RRAS2: variants seen among roughly 807,000 people sequenced by gnomAD.
RRAS2 encodes ras-related protein R-Ras2.
Under a neutral mutation model 27.6 loss-of-function variants are expected in RRAS2, and 7 were observed. That is an observed-to-expected ratio of 0.25 (90% CI 0.14 to 0.48). RRAS2 has a LOEUF of 0.48. RRAS2 is among the 20% of genes least tolerant of loss of function. The pLI is 0.99. For missense variants in RRAS2, 178 were observed against 256.2 expected (o/e 0.69, Z 2.08); for synonymous variants, 86 against 90.9 (o/e 0.95, Z 0.31).
At chr11:14,342,789 C>A (rs963036922) in intron 1 of RRAS2, among the ~76,000 whole-genome samples, 1 of 152,042 alleles carries the variant, frequency 6.6e-6, no homozygotes, top group Admixed American at 6.6e-5. Context: ...GTGCCTTTTT[C>A]AATGTTAATC....
chr11:14,301,470 T>C (rs1357452802), intron 1 of RRAS2, among the ~76,000 whole-genome samples: 1 of 152,160 alleles, frequency 6.6e-6, no homozygotes, highest in Non-Finnish European at 1.5e-5. Flanking sequence ...ACCACATATA[T>C]CTTATCTACT....
intron 1 of RRAS2, among the ~76,000 whole-genome samples, chr11:14,320,363 T>A (rs1554950124): frequency 6.6e-6 from 1 of 152,248 alleles, no homozygotes; most frequent in Non-Finnish European, 1.5e-5. Flanking sequence ...AATGACTGCA[T>A]GCTTGTCTAG....
chr11:14,290,993 T>C (rs1849797239), intron 4 of RRAS2, among the ~76,000 whole-genome samples: 1 of 152,164 alleles, frequency 6.6e-6, no homozygotes, highest in Non-Finnish European at 1.5e-5. Context: ...GTAATGTCCA[T>C]GAGTTGGTGA....
Position 14,339,297 on chromosome 11 carries a change from G to A in RRAS2, c.108+19466C>T, listed in dbSNP as rs1463110716. On this transcript the variant is annotated intron_variant, in intron 1 of 5. Coordinates refer to ENST00000256196, the MANE Select transcript of RRAS2 (RefSeq NM_012250.6). ...TCTACCAAAAAAAAAAAAAAAAGGG[G>A]GGGGGGGGAAGAAAAAATCTATAAT... Among the ~76,000 whole-genome samples the A allele has an allele frequency of 5.3e-5, 7 of 131,034 alleles. No homozygotes were observed. In the East Asian group the frequency reaches 1.0e-3, roughly 19 times the overall value. The allele number at this position is 131,034 out of a possible 152,430, so 86.0% of individuals were successfully genotyped here. A position where few individuals can be genotyped will look rare whatever the true frequency, so the allele number is the denominator to read the frequency against.
chr11:14,302,888 A>G (rs532151029), intron 1 of RRAS2, among the ~76,000 whole-genome samples: 1 of 152,328 alleles, frequency 6.6e-6, no homozygotes, highest in South Asian at 2.1e-4. Context: ...CAGCTGTGGG[A>G]AACTAGAGTA....
At chr11:14,352,972 T>A (rs1848995765) in intron 1 of RRAS2, among the ~76,000 whole-genome samples, 1 of 152,018 alleles carries the variant, frequency 6.6e-6, no homozygotes, top group Non-Finnish European at 1.5e-5. Flanking sequence ...CTAATTTTTG[T>A]ATTTTTAGTA....
rs146280184 is a variant in RRAS2, at chr11:14,350,709, T to C, written c.108+8054A>G. Among the ~76,000 whole-genome samples the C allele has an allele frequency of 4.2e-3, 634 of 151,432 alleles. 6 individuals are homozygous for C. Among genetic ancestry groups the C allele is most frequent in the African/African-American group, 0.015 (606 of 41,290 alleles). ...ATAGCTGACGAGGTTAAAAAAAAAA[T>C]TGCAAAAAAAAAATCTCATGTTTTA... On this transcript the variant is annotated intron_variant, in intron 1 of 5. Transcript: ENST00000256196.
intron 1 of RRAS2, among the ~76,000 whole-genome samples, chr11:14,341,431 T>C (rs1554953247): frequency 6.6e-6 from 1 of 152,192 alleles, no homozygotes; most frequent in African/African-American, 2.4e-5. Flanking sequence ...AAAAATTAGA[T>C]ACTGTGCTTT....
chr11:14,335,893 G>A (rs566233031), intron 1 of RRAS2, among the ~76,000 whole-genome samples: 2 of 152,264 alleles, frequency 1.3e-5, no homozygotes, highest in Admixed American at 6.5e-5. Flanking sequence ...AGAACAGGAC[G>A]TCCCAGCAAG....
intron 1 of RRAS2, among the ~76,000 whole-genome samples, chr11:14,346,851 T>C (rs1399219829): frequency 3.9e-5 from 6 of 152,146 alleles, no homozygotes; most frequent in Non-Finnish European, 5.9e-5. Flanking sequence ...TACAATTTTA[T>C]CTGTCAATTT....
At chr11:14,335,933 A>G (rs1397464841) in intron 1 of RRAS2, among the ~76,000 whole-genome samples, 1 of 152,142 alleles carries the variant, frequency 6.6e-6, no homozygotes, top group Non-Finnish European at 1.5e-5. Context: ...CAGCTGCTCT[A>G]CTCCCAACAG....
At chr11:14,293,124 AATATAT>A (rs781860601) in intron 4 of RRAS2, among the ~76,000 whole-genome samples, 3,557 of 76,760 alleles carry the variant, frequency 0.046, 167 homozygotes, top group Middle Eastern at 0.096. Context: ...AAACAAAACA[AATATAT>A]ATATATATAT....
chr11:14,324,516 T>C (rs1463251176), intron 1 of RRAS2, among the ~76,000 whole-genome samples: 1 of 152,092 alleles, frequency 6.6e-6, no homozygotes, highest in Non-Finnish European at 1.5e-5. Flanking sequence ...CTCCCTTAAC[T>C]GACCCAATTT....
At position 14,347,430 on chromosome 11, in the gene RRAS2, T is replaced by C. The variant is rs144188885; in HGVS notation, c.108+11333A>G. On this transcript the variant is annotated intron_variant, in intron 1 of 5. Coordinates refer to ENST00000256196, the MANE Select transcript of RRAS2 (RefSeq NM_012250.6). ...ACAAAAAATGTACGAAAGGAGTGGG[T>C]AGAAACAGGGTTAACAAAAGTGCTT... Among the ~76,000 whole-genome samples the C allele has an allele frequency of 7.3e-4, 111 of 152,288 alleles. No homozygotes were observed. In the East Asian group the frequency reaches 0.015, roughly 20 times the overall value.
chr11:14,324,184 AT>A (rs1848294249), intron 1 of RRAS2, among the ~76,000 whole-genome samples: 1 of 152,028 alleles, frequency 6.6e-6, no homozygotes, highest in South Asian at 2.1e-4. Context: ...ATACATAATA[AT>A]TATTGGAATT....
chr11:14,333,214 T>C (rs1848517147), intron 1 of RRAS2, among the ~76,000 whole-genome samples: 1 of 152,204 alleles, frequency 6.6e-6, no homozygotes, highest in Non-Finnish European at 1.5e-5. Context: ...ATTTAACCAT[T>C]GGTCTATTTA....
chr11:14,306,277 T>C (rs1243451233), intron 1 of RRAS2, among the ~76,000 whole-genome samples: 3 of 152,158 alleles, frequency 2.0e-5, no homozygotes, highest in Non-Finnish European at 4.4e-5. Flanking sequence ...TACTATATTC[T>C]GGATATAAAT....
chr11:14,332,217 A>G (rs1168125427), intron 1 of RRAS2, among the ~76,000 whole-genome samples: 1 of 152,248 alleles, frequency 6.6e-6, no homozygotes, highest in Non-Finnish European at 1.5e-5. Context: ...TGACTTGTAC[A>G]TCAATGTCTG....
intron 1 of RRAS2, among the ~76,000 whole-genome samples, 185 bp from the exon 2 acceptor site, chr11:14,296,040 C>T (rs1370046246): frequency 1.3e-5 from 2 of 151,674 alleles, no homozygotes; most frequent in East Asian, 3.9e-4. Context: ...AAAAATTAGC[C>T]GACGTGGTGT....
Sources: gnomAD v4.1 joint callset for allele counts (sites outside exome capture counted in the v4.1 genomes callset) on GRCh38, gnomAD v4.1.1 for gene constraint, MANE v1.5 for transcripts, NCBI Gene and HGNC (gene_info 2026-07-23, HGNC 2026-07-21) for gene names.